Variants in PPP1R15B observed in about 807,000 individuals in gnomAD.
PPP1R15B encodes the protein protein phosphatase 1 regulatory subunit 15B, also known as protein phosphatase 1, regulatory (inhibitor) subunit 15B.
A neutral mutation model predicts 53.9 loss-of-function variants in PPP1R15B; 31 were observed. The ratio of observed to expected loss-of-function variants is 0.58; its 90% CI spans 0.43 to 0.78. PPP1R15B has a LOEUF of 0.78. PPP1R15B is among the 30% of genes least tolerant of loss of function. PPP1R15B has a pLI of 0.00. For missense variants in PPP1R15B, 928 were observed against 849.6 expected, an observed-to-expected ratio of 1.09 and a Z score of -1.15; for synonymous variants, 345 against 329.1, an observed-to-expected ratio of 1.05 and a Z score of -0.52.
downstream of PPP1R15B, among the ~76,000 whole-genome samples, chr1:204,402,390 A>T (rs566876859): frequency 6.6e-6 from 1 of 151,996 alleles, no homozygotes; most frequent in African/African-American, 2.4e-5. Context: ...AATGATCCAT[A>T]TATCTAGTAT....
At chr1:204,406,684 G>A (rs1674269876) in intron 1 of PPP1R15B, among the ~76,000 whole-genome samples, 1 of 151,948 alleles carries the variant, frequency 6.6e-6, no homozygotes, top group African/African-American at 2.4e-5. Context: ...CCTGGGAGGT[G>A]GAGGTTGCAG....
At chr1:204,409,433 A>T (rs963664033) in intron 1 of PPP1R15B, 59 bp downstream of exon 1, 1 of 1,528,072 alleles carries the variant, frequency 6.5e-7, no homozygotes. Context: ...ATGCTGCTAT[A>T]TTTAAGCATA....
downstream of PPP1R15B, among the ~76,000 whole-genome samples, chr1:204,400,442 T>C (rs1175874656): frequency 1.3e-5 from 2 of 151,626 alleles, no homozygotes; most frequent in African/African-American, 4.8e-5. Flanking sequence ...CCCAAGTAGG[T>C]GGGACTACAG....
chr1:204,409,387 C>T (rs1572255898), intron 1 of PPP1R15B, 105 bp downstream of exon 1: 2 of 1,293,614 alleles, frequency 1.5e-6, no homozygotes, highest in Admixed American at 2.4e-5. Context: ...TAGAGGCCTT[C>T]CTCAAAAATA....
Position 204,409,677 on chromosome 1 carries a change from C to G in PPP1R15B, c.1735G>C (p.Gly579Arg), listed in dbSNP as rs1553291217. 1 of 1,614,096 alleles carries G rather than the reference C, an allele frequency of 6.2e-7. No individual in the cohort carries two copies. The highest frequency in any genetic ancestry group is 1.3e-5 in the African/African-American group (1 of 74,990). Residue 579 changes from glycine (G) to arginine (R), a missense_variant, in exon 1 of 2, where the codon GGG becomes CGG. Transcript: ENST00000367188. ...LNFKAPFQTSGENEKGCRDSK... is the reference protein window; with the variant it reads ...LNFKAPFQTSRENEKGCRDSK... The stretch of plus-strand genomic sequence containing the variant: ...TCACGACAGCCTTTCTCATTTTCCC[C>G]TGATGTTTGAAAAGGAGCCTTAAAA...
chr1:204,408,780 A>T (rs1246426844), intron 1 of PPP1R15B, among the ~76,000 whole-genome samples: 1 of 152,236 alleles, frequency 6.6e-6, no homozygotes, highest in Non-Finnish European at 1.5e-5. Context: ...GGGAAAAGGA[A>T]GCAACTAGTC....
downstream of PPP1R15B, chr1:204,403,254 T>C (rs1477829222): frequency 3.9e-6 from 1 of 258,060 alleles, no homozygotes; most frequent in Non-Finnish European, 6.1e-6. Context: ...CCTCTCATAA[T>C]ACTGCAAGAA....
Position 204,403,521 on chromosome 1 carries a change from G to C in PPP1R15B, c.*2571C>G, listed in dbSNP as rs2103441986. ...GTAGAAGCCAATTTAGAGTCTTCTAGTCCCCTAACTTTACCTTCCTTAAAT... is the reference window on the plus strand; with the variant it reads ...GTAGAAGCCAATTTAGAGTCTTCTACTCCCCTAACTTTACCTTCCTTAAAT... On this transcript the variant is annotated 3_prime_UTR_variant, in exon 2 of 2. Transcript: ENST00000367188. 1 of 962,322 alleles carries C rather than the reference G, an allele frequency of 1.0e-6. No individual in the cohort carries two copies. Among genetic ancestry groups the C allele is most frequent in the Non-Finnish European group, 1.2e-6 (1 of 808,618 alleles). 59.6% of individuals were successfully genotyped at this position (962,322 alleles called of 1,614,324 possible). A position where few individuals can be genotyped will look rare whatever the true frequency, so the allele number is the denominator to read the frequency against.
Position 204,403,788 on chromosome 1 carries a change from G to A in PPP1R15B, c.*2304C>T. 1 of 985,794 alleles carries A rather than the reference G, an allele frequency of 1.0e-6. No individual in the cohort carries two copies. The highest frequency in any genetic ancestry group is 4.7e-5 in the South Asian group (1 of 21,284). 61.1% of individuals were successfully genotyped at this position (985,794 alleles called of 1,614,324 possible). ...TCTAACTAGAATTGGGATGAAACAA[G>A]AATTTTGCTTTTTTCTCCTTCAGTC... On this transcript the variant is annotated 3_prime_UTR_variant, in exon 2 of 2. Coordinates refer to ENST00000367188, the MANE Select transcript of PPP1R15B (RefSeq NM_032833.5).
chr1:204,398,217 C>A (rs1363670886), downstream of PPP1R15B, among the ~76,000 whole-genome samples: 2 of 152,186 alleles, frequency 1.3e-5, no homozygotes, highest in East Asian at 3.8e-4. Context: ...GTGGCTCATG[C>A]CTGTAATCGC....
chr1:204,399,780 G>A (rs1674147318), downstream of PPP1R15B, among the ~76,000 whole-genome samples: 1 of 152,048 alleles, frequency 6.6e-6, no homozygotes, highest in African/African-American at 2.4e-5. Flanking sequence ...GAGGGGTTGG[G>A]GGATAGAGTG....
downstream of PPP1R15B, among the ~76,000 whole-genome samples, chr1:204,396,512 C>T (rs1229597781): frequency 6.7e-6 from 1 of 148,822 alleles, no homozygotes; most frequent in Non-Finnish European, 1.5e-5. Flanking sequence ...GTGATCACAC[C>T]ACTACACTCC....
intron 1 of PPP1R15B, 79 bp from the exon 2 acceptor site, chr1:204,406,392 C>T (rs1674265266): frequency 1.3e-6 from 2 of 1,498,264 alleles, no homozygotes; most frequent in African/African-American, 2.8e-5. Flanking sequence ...TTTATGCTAC[C>T]AATTCTTTCA....
In PPP1R15B at chr1:204,411,454, A is replaced by G; in HGVS notation, c.-43T>C. 1 of 1,578,870 alleles carries G rather than the reference A, an allele frequency of 6.3e-7. No individual in the cohort carries two copies. Among genetic ancestry groups the G allele is most frequent in the South Asian group, 1.1e-5 (1 of 87,136 alleles). ...TCTCTCAGGTAGGGCCGCGGCGCTC[A>G]GCGGCTGGAGGTCGACGGGATTCGG... is the stretch of plus-strand genomic sequence containing the variant. On this transcript the variant is annotated 5_prime_UTR_variant, in exon 1 of 2. Transcript: ENST00000367188.
At chr1:204,398,675 C>A (rs1674127320), downstream of PPP1R15B, among the ~76,000 whole-genome samples, 1 of 152,102 alleles carries the variant, frequency 6.6e-6, no homozygotes, top group South Asian at 2.1e-4. Flanking sequence ...GCAATAGCAA[C>A]CAGATCTGTA....
downstream of PPP1R15B, among the ~76,000 whole-genome samples, chr1:204,398,478 C>CA (rs1027716683): frequency 1.3e-4 from 20 of 148,548 alleles, no homozygotes; most frequent in Non-Finnish European, 2.2e-4. Context: ...CAGCAAGACT[C>CA]AAAAAAAAAA....
downstream of PPP1R15B, among the ~76,000 whole-genome samples, chr1:204,402,870 G>A (rs980044137): frequency 1.3e-5 from 2 of 151,906 alleles, no homozygotes; most frequent in Non-Finnish European, 2.9e-5. Context: ...TCAGGAGATC[G>A]AGAACAACCT....
At chr1:204,402,016 G>A (rs1235265972), downstream of PPP1R15B, among the ~76,000 whole-genome samples, 2 of 152,184 alleles carry the variant, frequency 1.3e-5, no homozygotes, top group Non-Finnish European at 2.9e-5. Context: ...CAATTTCTAT[G>A]AAATATCAGG....
downstream of PPP1R15B, among the ~76,000 whole-genome samples, chr1:204,400,048 C>T (rs375470739): frequency 6.6e-6 from 1 of 151,934 alleles, no homozygotes; most frequent in Admixed American, 6.6e-5. Flanking sequence ...TAGTTTGAGA[C>T]CAGCCCGGGC....
Sources: gnomAD v4.1 joint callset for allele counts (sites outside exome capture counted in the v4.1 genomes callset) on GRCh38, gnomAD v4.1.1 for gene constraint, MANE v1.5 for transcripts, NCBI Gene and HGNC (gene_info 2026-07-23, HGNC 2026-07-21) for gene names.